ZBTB17: variants seen among roughly 807,000 people sequenced by gnomAD.
ZBTB17 encodes zinc finger and BTB domain-containing protein 17.
A neutral mutation model predicts 85.1 loss-of-function variants in ZBTB17; 24 were observed. That is an observed-to-expected ratio of 0.28 (90% CI 0.20 to 0.40). ZBTB17 has a LOEUF of 0.40. Ranked by LOEUF, ZBTB17 falls within the 10% of genes least tolerant of loss-of-function variation. The pLI, the probability that ZBTB17 is intolerant of heterozygous loss-of-function variation, is 1.00. For missense variants in ZBTB17, 743 were observed against 1,105.1 expected, an observed-to-expected ratio of 0.67 and a Z score of 4.65; for synonymous variants, 464 against 460.2, an observed-to-expected ratio of 1.01 and a Z score of -0.11.
intron 2 of ZBTB17, among the ~76,000 whole-genome samples, chr1:15,954,178 G>A (rs60279897): frequency 1.3e-5 from 2 of 152,314 alleles, no homozygotes; most frequent in East Asian, 1.9e-4. Context: ...AACCCCAAGA[G>A]TGCTCCCAGA....
chr1:15,943,748 G>GGCACCACCGGTGGCCGAGGA, intron 10 of ZBTB17, 33 bp from the exon 11 acceptor site: 1 of 1,612,806 alleles, frequency 6.2e-7, no homozygotes, highest in Non-Finnish European at 8.5e-7. Context: ...CCTGGCGTGG[G>GGCACCACCGGTGGCCGAGGA]GCACCACCGG....
intron 2 of ZBTB17, among the ~76,000 whole-genome samples, chr1:15,950,041 A>G (rs11489779): frequency 0.099 from 15,099 of 152,252 alleles, 982 homozygotes; most frequent in African/African-American, 0.18. Flanking sequence ...GGCTCTCTCA[A>G]TGACATTCCT....
rs2072427525 is a variant in ZBTB17 at position 15,966,009 on chromosome 1, C to T, written c.-3+7030G>A. Among the ~76,000 whole-genome samples, 1 of 152,098 alleles carries T rather than the reference C, an allele frequency of 6.6e-6. No individual in the cohort carries two copies. The highest frequency in any genetic ancestry group is 6.6e-5 in the Admixed American group (1 of 15,264). On this transcript the variant is annotated intron_variant, in intron 2 of 15. Transcript: ENST00000375743. This position sits in a 1 kb window ranked among gnomAD's most constrained non-coding sequence, Gnocchi z 4.1. Reference sequence around the variant, plus strand: ...GGTACATGGAAGATGTTTCTTGTATCCTTATTCTTTACACTGAACACATTC... The same window carrying T: ...GGTACATGGAAGATGTTTCTTGTATTCTTATTCTTTACACTGAACACATTC...
At chr1:15,967,814 G>C (rs1215139002) in intron 2 of ZBTB17, among the ~76,000 whole-genome samples, 2 of 152,172 alleles carry the variant, frequency 1.3e-5, no homozygotes, top group Non-Finnish European at 2.9e-5. Flanking sequence ...GGAAACTGAG[G>C]GTTAGAAAGG....
chr1:15,972,351 C>T (rs2072718073), intron 2 of ZBTB17, among the ~76,000 whole-genome samples: 1 of 152,224 alleles, frequency 6.6e-6, no homozygotes. Context: ...CAGTGGACCT[C>T]CCCTCAGGCT....
Position 15,945,037 on chromosome 1 carries a change from G to C in ZBTB17, c.827C>G (p.Ser276Trp), listed in dbSNP as rs763083887. The C allele has an allele frequency of 6.2e-7, 1 of 1,608,736 alleles. No individual in the cohort carries two copies. Among genetic ancestry groups the C allele is most frequent in the South Asian group, 1.1e-5 (1 of 89,834 alleles). ...GGCCTCGGAGCCGAGCTCCTGCCCC[G>C]AGTCTGTGCCCGCTGACTCCTCATT... Reference protein sequence around the residue: ...NENEESAGTDSGQELGSEARG... With the variant: ...NENEESAGTDWGQELGSEARG... Residue 276 changes from serine (S) to tryptophan (W), a missense_variant, in exon 7 of 16, where the codon TCG becomes TGG. This residue lies in a region of ZBTB17 where 279 missense variants were observed against 269.9 expected (regional missense o/e 1.03). Transcript: ENST00000375743.
intron 5 of ZBTB17, 139 bp from the exon 6 acceptor site, chr1:15,945,979 T>C (rs1447573585): frequency 1.3e-6 from 2 of 1,548,082 alleles, no homozygotes; most frequent in African/African-American, 2.7e-5. Context: ...AAGGCTGTTG[T>C]GTCTGCTCTG....
intron 2 of ZBTB17, among the ~76,000 whole-genome samples, chr1:15,960,243 A>G (rs1050682707): frequency 3.3e-5 from 5 of 152,218 alleles, no homozygotes; most frequent in Non-Finnish European, 5.9e-5. Flanking sequence ...CTCTGCAGGC[A>G]CAATCTCTGC....
rs565268360 is a variant in ZBTB17, at chr1:15,942,813, G to A, written c.1829-75C>T. The A allele has an allele frequency of 3.0e-5, 46 of 1,539,844 alleles. 1 individual carries two copies. In the East Asian group the frequency reaches 6.2e-4, roughly 21 times the overall value. ...TGGGGTGGGAGGCCCTCAATGACTC[G>A]TTTGCCCAGCAACCCTGTCTTTTAC... On this transcript the variant is annotated intron_variant, in intron 13 of 15. Coordinates refer to ENST00000375743, the MANE Select transcript of ZBTB17 (RefSeq NM_003443.3).
Position 15,953,028 on chromosome 1 carries a change from C to T in ZBTB17, c.-2-4531G>A, listed in dbSNP as rs538571459. 11 of 152,226 alleles carry T rather than the reference C, an allele frequency of 7.2e-5. No individual in the cohort carries two copies. The highest frequency in any genetic ancestry group is 1.6e-4 in the Non-Finnish European group (11 of 68,070). 9.4% of individuals were successfully genotyped at this position (152,226 alleles called of 1,614,324 possible). On this transcript the variant is annotated intron_variant, in intron 2 of 15. Coordinates refer to ENST00000375743, the MANE Select transcript of ZBTB17 (RefSeq NM_003443.3). The surrounding 1 kb of genome is among the most constrained non-coding windows in gnomAD (Gnocchi z 5.1). ...CAGCCAAAGGTTCAGGATGACGGTT[C>T]TCTCTGGATGGGGGAGGGTAAGCAG...
At chr1:15,958,584 G>C (rs2072136861) in intron 2 of ZBTB17, among the ~76,000 whole-genome samples, 2 of 152,192 alleles carry the variant, frequency 1.3e-5, no homozygotes, top group Admixed American at 6.5e-5. Context: ...GGGGATGGTG[G>C]AGTGGAGGTT....
At position 15,973,384 on chromosome 1, in the gene ZBTB17, A is replaced by C. The variant is rs1245076397; in HGVS notation, c.-89-259T>G. Among the ~76,000 whole-genome samples the C allele has an allele frequency of 6.6e-6, 1 of 152,202 alleles. No individual in the cohort carries two copies. Among genetic ancestry groups the C allele is most frequent in the Admixed American group, 6.5e-5 (1 of 15,292 alleles). On this transcript the variant is annotated intron_variant, in intron 1 of 15. Coordinates refer to ENST00000375743, the MANE Select transcript of ZBTB17 (RefSeq NM_003443.3). This position sits in a 1 kb window ranked among gnomAD's most constrained non-coding sequence, Gnocchi z 4.1. ...TCAATAAGAGACAGGACACAATGTT[A>C]AGAAGGAAAAACGACAAGGTTTGTA...
At chr1:15,968,463 C>T (rs79491329) in intron 2 of ZBTB17, among the ~76,000 whole-genome samples, 4 of 152,110 alleles carry the variant, frequency 2.6e-5, no homozygotes, top group South Asian at 4.2e-4. Flanking sequence ...AAGGAAGCCT[C>T]GGATCATAAT....
chr1:15,970,634 C>T (rs781483929), intron 2 of ZBTB17, among the ~76,000 whole-genome samples: 7 of 152,108 alleles, frequency 4.6e-5, no homozygotes, highest in African/African-American at 9.7e-5. Context: ...CTGCAACCTC[C>T]GCTTCCCAGG....
chr1:15,953,693 C>CAG lies in ZBTB17; in HGVS notation c.-2-5198_-2-5197dup, dbSNP rs1318223339. Among the ~76,000 whole-genome samples, 1 of 152,238 alleles carries CAG rather than the reference C, an allele frequency of 6.6e-6. No individual in the cohort carries two copies. Among genetic ancestry groups the CAG allele is most frequent in the Non-Finnish European group, 1.5e-5 (1 of 68,044 alleles). On this transcript the variant is annotated intron_variant, in intron 2 of 15. Coordinates refer to ENST00000375743, the MANE Select transcript of ZBTB17 (RefSeq NM_003443.3). This position sits in a 1 kb window ranked among gnomAD's most constrained non-coding sequence, Gnocchi z 5.1. ...TGGCGGCTGAGCCCCATGGAAGCAG[C>CAG]AGAGCCTCCCGGGACAGGCCAAGCA...
chr1:15,944,964 G>C lies in ZBTB17; in HGVS notation c.900C>G (p.Ala300=), dbSNP rs1300246620. ...CGCACTTGTGGATGACGGAGCCGTA[G>C]GCCTTGGACTCCGTGCGGTCGCCGT... ...GTYGDRTESK[A]YGSVIHKCED... Residue 300 remains alanine (A), a synonymous_variant, in exon 7 of 16, where the codon GCC becomes GCG. Coordinates refer to ENST00000375743, the MANE Select transcript of ZBTB17 (RefSeq NM_003443.3). 5 of 1,582,666 alleles carry C rather than the reference G, an allele frequency of 3.2e-6. No individual in the cohort carries two copies. Among genetic ancestry groups the C allele is most frequent in the Non-Finnish European group, 3.4e-6 (4 of 1,167,478 alleles).
chr1:15,942,836 T>C (rs1181631563), intron 13 of ZBTB17, 98 bp from the exon 14 acceptor site: 6 of 1,461,488 alleles, frequency 4.1e-6, no homozygotes, highest in Non-Finnish European at 5.6e-6. Flanking sequence ...CCCTGTCTTT[T>C]ACAGCAGGAG....
At chr1:15,965,851 C>T (rs2072423163) in intron 2 of ZBTB17, among the ~76,000 whole-genome samples, 1 of 152,168 alleles carries the variant, frequency 6.6e-6, no homozygotes, top group South Asian at 2.1e-4. Flanking sequence ...AATACAAACA[C>T]ATGGTAAAAC....
At position 15,942,325 on chromosome 1, in the gene ZBTB17, C is replaced by T. The variant is rs370037981; in HGVS notation, c.2128+6G>A. On this transcript the variant is annotated splice_donor_region_variant and intron_variant, in intron 15 of 15. Coordinates refer to ENST00000375743, the MANE Select transcript of ZBTB17 (RefSeq NM_003443.3). ...CCCACATTCACACCCGGGTGGCCCC[C>T]CTCACCTTCTTCCTGCACTTGCTTC... 1.5e-5 allele frequency: 24 copies of T among 1,613,848 alleles called. No individual in the cohort carries two copies. The highest frequency in any genetic ancestry group is 1.9e-5 in the Non-Finnish European group (23 of 1,180,034).
Sources: gnomAD v4.1 joint callset for allele counts (sites outside exome capture counted in the v4.1 genomes callset) on GRCh38, gnomAD v4.1.1 for gene constraint, gnomAD v4.1.1 regional missense constraint, Gnocchi (gnomAD v3.1) non-coding constraint, MANE v1.5 for transcripts, NCBI Gene and HGNC (gene_info 2026-07-23, HGNC 2026-07-21) for gene names.